ALDH1L2: variants seen among roughly 807,000 people sequenced by gnomAD.
ALDH1L2 encodes the protein mitochondrial 10-formyltetrahydrofolate dehydrogenase.
In ALDH1L2, 91 loss-of-function variants were observed where a neutral mutation model predicts 111.0. The ratio of observed to expected loss-of-function variants is 0.82; its 90% CI spans 0.69 to 0.98. The LOEUF (loss-of-function observed/expected upper bound fraction) is 0.98, where lower values mean the gene tolerates loss of function less well. ALDH1L2 is among the 50% of genes least tolerant of loss of function. The pLI is 0.00. For missense variants in ALDH1L2, 995 were observed against 1,126.8 expected (o/e 0.88, Z 1.67); for synonymous variants, 374 against 392.6 (o/e 0.95, Z 0.56).
At chr12:105,076,203 G>T (rs1399929294) in intron 1 of ALDH1L2, among the ~76,000 whole-genome samples, 1 of 152,190 alleles carries the variant, frequency 6.6e-6, no homozygotes, top group Non-Finnish European at 1.5e-5. Context: ...CCAGGAAGCT[G>T]CATTTTAACA....
At chr12:105,073,673 A>G (rs1373206342) in intron 2 of ALDH1L2, 188 bp downstream of exon 2, 2 of 711,862 alleles carry the variant, frequency 2.8e-6, no homozygotes, top group Non-Finnish European at 4.4e-6. Context: ...ATGGGATACA[A>G]GTGGGAGTAA....
chr12:105,066,268 T>C (rs1047315557), intron 5 of ALDH1L2, among the ~76,000 whole-genome samples: 3 of 152,178 alleles, frequency 2.0e-5, no homozygotes, highest in African/African-American at 7.2e-5. Context: ...GTTTGTTTGT[T>C]TGTTTGCATA....
At chr12:105,026,148 G>A (rs900490778) in intron 22 of ALDH1L2, among the ~76,000 whole-genome samples, 1 of 152,056 alleles carries the variant, frequency 6.6e-6, no homozygotes, top group African/African-American at 2.4e-5. Context: ...TCCAGGACAG[G>A]ATTTATTCTT....
Position 105,049,908 on chromosome 12 carries a change from C to T in ALDH1L2, c.1686G>A (p.Gln562=). 5 of 1,608,830 alleles carry T rather than the reference C, an allele frequency of 3.1e-6. No individual in the cohort carries two copies. Among genetic ancestry groups the T allele is most frequent in the Non-Finnish European group, 4.2e-6 (5 of 1,177,660 alleles). The change falls in exon 13 of 23, where the codon CAG becomes CAA. Residue 562 remains glutamine, a splice_region_variant and synonymous_variant. Transcript: ENST00000258494. ...CAGAACAAATAATATTTGTGCTTAC[C>T]TGAATTTTGTCGCACCAGCCAGCAA... ...RYFAGWCDKI[Q]GSTIPINQAR...
intron 9 of ALDH1L2, among the ~76,000 whole-genome samples, chr12:105,060,222 G>A (rs1876904016): frequency 6.6e-6 from 1 of 152,008 alleles, no homozygotes; most frequent in Admixed American, 6.5e-5. Context: ...TTAATATCAG[G>A]TATCAGATAT....
chr12:105,050,271 G>T, intron 12 of ALDH1L2: 1 of 390,780 alleles, frequency 2.6e-6, no homozygotes, highest in Non-Finnish European at 4.4e-6. Context: ...GAAGCAGAGG[G>T]TATTGGAAGC....
At position 105,070,553 on chromosome 12, in the gene ALDH1L2, A is replaced by G. The variant is rs779050655; in HGVS notation, c.428+17T>C. 1 of 1,587,074 alleles carries G rather than the reference A, an allele frequency of 6.3e-7. No homozygotes were observed. Among genetic ancestry groups the G allele is most frequent in the Non-Finnish European group, 8.6e-7 (1 of 1,166,796 alleles). On this transcript the variant is annotated intron_variant, in intron 3 of 22. Transcript: ENST00000258494. ...GACCCCATCTCAAAAAAAAAAAGTA[A>G]AAAGAAAAAATCTCACCAATTGATA...
intron 15 of ALDH1L2, among the ~76,000 whole-genome samples, chr12:105,046,208 TATATATATATATA>T (rs1186891600): frequency 4.5e-4 from 32 of 71,776 alleles, no homozygotes; most frequent in Non-Finnish European, 6.4e-4. Flanking sequence ...TATATATATA[TATATATATATATA>T]TTTTTTTTTT....
intron 13 of ALDH1L2, 87 bp downstream of exon 13, chr12:105,049,821 A>AT: frequency 7.0e-7 from 1 of 1,420,914 alleles, no homozygotes. Flanking sequence ...AAAAATCTAC[A>AT]TAAAAAGAGG....
chr12:105,041,198 T>G (rs1875512047), intron 15 of ALDH1L2, among the ~76,000 whole-genome samples: 1 of 152,242 alleles, frequency 6.6e-6, no homozygotes, highest in African/African-American at 2.4e-5. Flanking sequence ...AAATCCAACA[T>G]CTGCATTACA....
chr12:105,041,577 C>G (rs189767538), intron 15 of ALDH1L2, among the ~76,000 whole-genome samples: 11 of 152,164 alleles, frequency 7.2e-5, no homozygotes, highest in African/African-American at 2.7e-4. Context: ...TTTTTATCCA[C>G]TAGTTTTAGT....
At chr12:105,030,520 C>G (rs955544173) in intron 20 of ALDH1L2, 91 bp from the exon 21 acceptor site, 8 of 1,108,224 alleles carry the variant, frequency 7.2e-6, no homozygotes, top group Non-Finnish European at 1.0e-5. Flanking sequence ...ATAATTTTTT[C>G]TTTCCCTCTG....
intron 16 of ALDH1L2, 42 bp from the exon 17 acceptor site, chr12:105,039,848 A>T: frequency 6.3e-7 from 1 of 1,584,594 alleles, no homozygotes; most frequent in Non-Finnish European, 8.7e-7. Context: ...AACATACTCA[A>T]GGCCGGGCGC....
chr12:105,076,127 G>A (rs1878041048), intron 1 of ALDH1L2, among the ~76,000 whole-genome samples: 1 of 152,170 alleles, frequency 6.6e-6, no homozygotes, highest in South Asian at 2.1e-4. Flanking sequence ...GAAGTAACTG[G>A]GAGAACATGT....
At chr12:105,041,247 T>C (rs138174540) in intron 15 of ALDH1L2, among the ~76,000 whole-genome samples, 40 of 152,310 alleles carry the variant, frequency 2.6e-4, no homozygotes, top group African/African-American at 6.7e-4. Context: ...CTAGGAGAAT[T>C]TCTCAGTTCT....
intron 10 of ALDH1L2, among the ~76,000 whole-genome samples, chr12:105,054,577 G>A (rs776874040): frequency 5.3e-5 from 8 of 152,196 alleles, no homozygotes; most frequent in Non-Finnish European, 1.0e-4. Flanking sequence ...AGTAGCCTCT[G>A]GTGGGGATGA....
intron 1 of ALDH1L2, among the ~76,000 whole-genome samples, chr12:105,082,446 C>A (rs1878375864): frequency 6.6e-6 from 1 of 152,176 alleles, no homozygotes; most frequent in Non-Finnish European, 1.5e-5. Flanking sequence ...TAAATGAAAT[C>A]ATAAAATATG....
At chr12:105,036,077 T>G (rs1875013756) in intron 18 of ALDH1L2, among the ~76,000 whole-genome samples, 1 of 76,298 alleles carries the variant, frequency 1.3e-5, no homozygotes, top group Non-Finnish European at 2.2e-5. Context: ...CGTATATTTA[T>G]ATATGTGTAT....
chr12:105,077,992 C>G (rs1878151910), intron 1 of ALDH1L2, among the ~76,000 whole-genome samples: 1 of 152,204 alleles, frequency 6.6e-6, no homozygotes, highest in Non-Finnish European at 1.5e-5. Flanking sequence ...GCATCCGGCA[C>G]AGAGTGCCCC....
Sources: allele counts gnomAD v4.1 joint callset (sites outside exome capture counted in the v4.1 genomes callset), GRCh38; gene constraint gnomAD v4.1.1; transcripts MANE v1.5; gene names NCBI Gene and HGNC (gene_info 2026-07-23, HGNC 2026-07-21).